KCNAB3: variants seen among roughly 807,000 people sequenced by gnomAD.
KCNAB3 encodes the protein potassium voltage-gated channel subfamily A regulatory beta subunit 3, also known as voltage-gated potassium channel subunit beta-3.
KCNAB3 carries 62 observed loss-of-function variants against 67.7 expected under a neutral mutation model. The ratio of observed to expected loss-of-function variants is 0.92; its 90% CI spans 0.75 to 1.13. The LOEUF (loss-of-function observed/expected upper bound fraction) is 1.13. Ranked by LOEUF, KCNAB3 falls within the 50% of genes most tolerant of loss-of-function variation. KCNAB3 has a pLI of 0.00. For synonymous variants in KCNAB3, 212 were observed against 205.4 expected (o/e 1.03, Z -0.27); for missense variants, 514 against 522.9 (o/e 0.98, Z 0.17).
chr17:7,924,253 T>G lies in KCNAB3; in HGVS notation c.724A>C (p.Met242Leu). 6.2e-7 allele frequency: 1 copy of G among 1,614,136 alleles called. No homozygotes were observed. Among genetic ancestry groups the G allele is most frequent in the East Asian group, 2.2e-5 (1 of 44,882 alleles). ...GGAATCAGATTGAACTGTCTGGCCA[T>G]GGAGTAGGCCTCCTGGGTTGGGGTT... Reference protein sequence around the residue: ...GAAEIMEAYSMARQFNLIPPV... With the variant: ...GAAEIMEAYSLARQFNLIPPV... The change falls in exon 10 of 14, where the codon ATG (methionine) becomes CTG (leucine). Residue 242 changes from methionine (M) to leucine (L), a missense_variant. Coordinates refer to ENST00000303790, the MANE Select transcript of KCNAB3 (RefSeq NM_004732.4).
rs372497679 is a variant in KCNAB3 at position 7,925,082 on chromosome 17, G to C, written c.625+15C>G. On this transcript the variant is annotated intron_variant, in intron 8 of 13. Coordinates refer to ENST00000303790, the MANE Select transcript of KCNAB3 (RefSeq NM_004732.4). The stretch of plus-strand genomic sequence containing the variant: ...AGTTTTGAAGGACTGTAAGGTTTGG[G>C]GGTGCTGCTTTTACCCTCCATAGGA... 41 of 1,610,868 alleles carry C rather than the reference G, an allele frequency of 2.5e-5. No individual in the cohort carries two copies. Among genetic ancestry groups the C allele is most frequent in the Non-Finnish European group, 3.4e-5 (40 of 1,177,432 alleles).
chr17:7,923,858 G>T, intron 11 of KCNAB3, 27 bp from the exon 12 acceptor site: 1 of 1,562,376 alleles, frequency 6.4e-7, no homozygotes. Flanking sequence ...ATCAACAGAA[G>T]ACCCCGCCAT....
chr17:7,929,437 C>G lies in KCNAB3; in HGVS notation c.-2G>C, dbSNP rs1972353721. On this transcript the variant is annotated 5_prime_UTR_variant, in exon 1 of 14. Coordinates refer to ENST00000303790, the MANE Select transcript of KCNAB3 (RefSeq NM_004732.4). This position sits in a 1 kb window ranked among gnomAD's most constrained non-coding sequence, Gnocchi z 5.7. ...GGTACACGCGATAGACACCTGCATG[C>G]TGGCTGGCCGAGGCGGGGGAGGGGG... 1 of 1,530,812 alleles carries G rather than the reference C, an allele frequency of 6.5e-7. No homozygotes were observed. Among genetic ancestry groups the G allele is most frequent in the East Asian group, 2.5e-5 (1 of 39,562 alleles). The allele number at this position is 1,530,812 out of a possible 1,614,324, so 94.8% of individuals were successfully genotyped here.
Position 7,923,692 on chromosome 17 carries a change from G to A in KCNAB3, c.1048+19C>T, listed in dbSNP as rs1972123953. 1.9e-6 allele frequency: 3 copies of A among 1,555,074 alleles called. No homozygotes were observed. The East Asian group carries it at 7.2e-5, about 38-fold the overall frequency. ...CATGTCAGGAGGAGACAGGGCCCCT[G>A]CAGGGTGCAATGTCTCACCAATAGC... On this transcript the variant is annotated intron_variant, in intron 12 of 13. Coordinates refer to ENST00000303790, the MANE Select transcript of KCNAB3 (RefSeq NM_004732.4).
At position 7,929,031 on chromosome 17, in the gene KCNAB3, C is replaced by A. The variant is rs959180932; in HGVS notation, c.242+163G>T. 2.9e-5 allele frequency: 34 copies of A among 1,173,570 alleles called. No individual in the cohort carries two copies. Among genetic ancestry groups the A allele is most frequent in the Non-Finnish European group, 4.0e-5 (34 of 849,876 alleles). The allele number at this position is 1,173,570 out of a possible 1,614,324, so 72.7% of individuals were successfully genotyped here. A position where few individuals can be genotyped will look rare whatever the true frequency, so the allele number is the denominator to read the frequency against. ...CGTAGTCAGGGGTATCGACAGAAAC[C>A]AAGAGAGGGACAAAGTGAGGGAGTG... is the stretch of plus-strand genomic sequence containing the variant. On this transcript the variant is annotated intron_variant, in intron 1 of 13. Transcript: ENST00000303790. The surrounding 1 kb of genome is among the most constrained non-coding windows in gnomAD (Gnocchi z 5.7).
In KCNAB3 at chr17:7,929,847, G is replaced by A. The variant is rs1242218669; in HGVS notation, c.-412C>T. ...TGGGCTCCCAGCCGCGTCGGCAGCG[G>A]GCCCAGCTCATCAGCATGCAGGCAC... On this transcript the variant is annotated 5_prime_UTR_variant, in exon 1 of 14. Coordinates refer to ENST00000303790, the MANE Select transcript of KCNAB3 (RefSeq NM_004732.4). The surrounding 1 kb of genome is among the most constrained non-coding windows in gnomAD (Gnocchi z 5.7). The A allele has an allele frequency of 1.9e-6, 2 of 1,078,470 alleles. No individual in the cohort carries two copies. The highest frequency in any genetic ancestry group is 2.6e-5 in the South Asian group (1 of 38,910). 66.8% of individuals were successfully genotyped at this position (1,078,470 alleles called of 1,614,324 possible).
At position 7,923,543 on chromosome 17, in the gene KCNAB3, C is replaced by T. The variant is rs1253195890; in HGVS notation, c.1050G>A (p.Ala350=). The change falls in exon 13 of 14, where the codon GCG becomes GCA. Residue 350 remains alanine, a splice_region_variant and synonymous_variant. Transcript: ENST00000303790. ...LGCTVAQLAI[A]WCLRSEGVSS... is the part of the protein sequence containing the mutation. ...TGACACCCTCACTGCGGAGACACCA[C>T]GCTGGGGCCAGAGGAGGAAAAAAAG... 2.5e-6 allele frequency: 4 copies of T among 1,605,708 alleles called. No homozygotes were observed. Among genetic ancestry groups the T allele is most frequent in the African/African-American group, 2.7e-5 (2 of 74,482 alleles).
Position 7,923,022 on chromosome 17 carries a change from G to A in KCNAB3, c.*80C>T. The A allele has an allele frequency of 3.6e-6, 5 of 1,377,538 alleles. No homozygotes were observed. Among genetic ancestry groups the A allele is most frequent in the South Asian group, 1.2e-5 (1 of 85,970 alleles). The allele number at this position is 1,377,538 out of a possible 1,614,324, so 85.3% of individuals were successfully genotyped here. On this transcript the variant is annotated 3_prime_UTR_variant, in exon 14 of 14. Coordinates refer to ENST00000303790, the MANE Select transcript of KCNAB3 (RefSeq NM_004732.4). Reference sequence around the variant, plus strand: ...CTCCGGCCGCTGCGTGGAGGGATCCGGAGCGGGAGAGGCGGCTGCGAGGAG... The same window carrying A: ...CTCCGGCCGCTGCGTGGAGGGATCCAGAGCGGGAGAGGCGGCTGCGAGGAG...
Position 7,922,830 on chromosome 17 carries a change from C to G in KCNAB3, c.*272G>C, listed in dbSNP as rs1266073306. 1.9e-6 allele frequency: 1 copy of G among 527,746 alleles called. No individual in the cohort carries two copies. The highest frequency in any genetic ancestry group is 1.9e-5 in the African/African-American group (1 of 52,526). The allele number at this position is 527,746 out of a possible 1,614,324, so 32.7% of individuals were successfully genotyped here. On this transcript the variant is annotated 3_prime_UTR_variant, in exon 14 of 14. Coordinates refer to ENST00000303790, the MANE Select transcript of KCNAB3 (RefSeq NM_004732.4). ...GGGAGCGAGACGAAGTGGCAGAGAG[C>G]CGACGGCGAGTAGCTCATGCCCGGG...
intron 4 of KCNAB3, 103 bp from the exon 5 acceptor site, chr17:7,926,206 G>A (rs1972225913): frequency 1.4e-6 from 2 of 1,379,784 alleles, no homozygotes; most frequent in African/African-American, 1.4e-5. Flanking sequence ...TATAAACCAG[G>A]AGTCCATTTC....
Position 7,929,444 on chromosome 17 carries a change from G to C in KCNAB3, c.-9C>G. ...GCGATAGACACCTGCATGCTGGCTG[G>C]CCGAGGCGGGGGAGGGGGCTCCGAG... is the stretch of plus-strand genomic sequence containing the variant. On this transcript the variant is annotated 5_prime_UTR_variant, in exon 1 of 14. Coordinates refer to ENST00000303790, the MANE Select transcript of KCNAB3 (RefSeq NM_004732.4). This position sits in a 1 kb window ranked among gnomAD's most constrained non-coding sequence, Gnocchi z 5.7. 6.5e-7 allele frequency: 1 copy of C among 1,546,976 alleles called. No homozygotes were observed. The highest frequency in any genetic ancestry group is 8.7e-7 in the Non-Finnish European group (1 of 1,146,106).
At chr17:7,924,781 C>T in intron 8 of KCNAB3, 2 of 974,410 alleles carry the variant, frequency 2.1e-6, no homozygotes, top group Non-Finnish European at 2.8e-6. Flanking sequence ...CTCACTCTGT[C>T]ACTCAGGATG....
chr17:7,923,462 C>T lies in KCNAB3; in HGVS notation c.1131G>A (p.Ala377=), dbSNP rs760765140. 34 of 1,609,072 alleles carry T rather than the reference C, an allele frequency of 2.1e-5. No homozygotes were observed. The African/African-American group carries it at 3.4e-4, about 16-fold the overall frequency. The change falls in exon 13 of 14, where the codon GCG becomes GCA. Residue 377 remains alanine, a synonymous_variant. Coordinates refer to ENST00000303790, the MANE Select transcript of KCNAB3 (RefSeq NM_004732.4). ...SAEQLIEHLG[A]LQVLSQLTPQ... ...CTCTGAGTCCCCGGCTCACCTGTAG[C>T]GCGCCCAGGTGTTCTATCAACTGCT...
chr17:7,929,807 C>G lies in KCNAB3; in HGVS notation c.-372G>C. The G allele has an allele frequency of 3.8e-6, 4 of 1,039,526 alleles. No individual in the cohort carries two copies. The highest frequency in any genetic ancestry group is 3.5e-6 in the Non-Finnish European group (3 of 863,660). The allele number at this position is 1,039,526 out of a possible 1,614,324, so 64.4% of individuals were successfully genotyped here. On this transcript the variant is annotated 5_prime_UTR_variant, in exon 1 of 14. Transcript: ENST00000303790. This position sits in a 1 kb window ranked among gnomAD's most constrained non-coding sequence, Gnocchi z 5.7. ...AGAGAGATGCCACTTCAGCGCGAAC[C>G]GCTGCGGGACCCGCTGGGCTCCCAG...
At position 7,929,359 on chromosome 17, in the gene KCNAB3, G is replaced by A. The variant is rs555422440; in HGVS notation, c.77C>T (p.Pro26Leu). 1.3e-6 allele frequency: 2 copies of A among 1,549,086 alleles called. No individual in the cohort carries two copies. The highest frequency in any genetic ancestry group is 3.9e-5 in the Admixed American group (2 of 51,002). The change falls in exon 1 of 14, where the codon CCG (proline) becomes CTG (leucine). Residue 26 changes from proline (P) to leucine (L), a missense_variant. By Grantham distance (98) the Pro-to-Leu change is moderately conservative. Transcript: ENST00000303790. The surrounding 1 kb of genome is among the most constrained non-coding windows in gnomAD (Gnocchi z 5.7). ...SSEDRLCGPR[P>L]GPGGGNGGPA... is the part of the protein sequence containing the mutation. ...CCCACCATTACCGCCCCCGGGGCCC[G>A]GCCGGGGTCCACACAGACGGTCCTC...
intron 4 of KCNAB3, 109 bp from the exon 5 acceptor site, chr17:7,926,212 A>G: frequency 7.9e-7 from 1 of 1,268,596 alleles, no homozygotes; most frequent in South Asian, 1.3e-5. Flanking sequence ...CCAGGAGTCC[A>G]TTTCAGCTCA....
chr17:7,923,251 G>A, intron 13 of KCNAB3, 72 bp from the exon 14 acceptor site: 1 of 1,472,500 alleles, frequency 6.8e-7, no homozygotes, highest in South Asian at 1.1e-5. Flanking sequence ...GGTTCCAGTA[G>A]CCGGGGAAGC....
chr17:7,926,542 G>C (rs541941272), intron 4 of KCNAB3, among the ~76,000 whole-genome samples: 4 of 152,202 alleles, frequency 2.6e-5, no homozygotes, highest in Non-Finnish European at 5.9e-5. Flanking sequence ...CACAATCTAT[G>C]GTCCAGCCTT....
chr17:7,929,833 C>CTA lies in KCNAB3; in HGVS notation c.-399_-398insTA. ...GCTGCGGGACCCGCTGGGCTCCCAGCCGCGTCGGCAGCGGGCCCAGCTCAT... is the reference window on the plus strand; with the variant it reads ...GCTGCGGGACCCGCTGGGCTCCCAGCTACGCGTCGGCAGCGGGCCCAGCTCAT... On this transcript the variant is annotated 5_prime_UTR_variant, in exon 1 of 14. Transcript: ENST00000303790. The surrounding 1 kb of genome is among the most constrained non-coding windows in gnomAD (Gnocchi z 5.7). 2 of 1,028,760 alleles carry CTA rather than the reference C, an allele frequency of 1.9e-6. No homozygotes were observed. The highest frequency in any genetic ancestry group is 2.3e-6 in the Non-Finnish European group (2 of 856,942). 63.7% of individuals were successfully genotyped at this position (1,028,760 alleles called of 1,614,324 possible).
Sources: gnomAD v4.1 joint callset for allele counts (sites outside exome capture counted in the v4.1 genomes callset) on GRCh38, gnomAD v4.1.1 for gene constraint, Gnocchi (gnomAD v3.1) non-coding constraint, MANE v1.5 for transcripts, NCBI Gene and HGNC (gene_info 2026-07-23, HGNC 2026-07-21) for gene names.